AFF3: variants seen among roughly 807,000 people sequenced by gnomAD.
AFF3 encodes the protein AF4/FMR2 family member 3.
A neutral mutation model predicts 129.7 loss-of-function variants in AFF3; 32 were observed. The ratio of observed to expected loss-of-function variants is 0.25; its 90% CI spans 0.19 to 0.33. The LOEUF (loss-of-function observed/expected upper bound fraction) is 0.33, where lower values mean the gene tolerates loss of function less well. AFF3 is among the 10% of genes least tolerant of loss of function. AFF3 has a pLI of 1.00. For synonymous variants in AFF3, 644 were observed against 635.4 expected (o/e 1.01, Z -0.20); for missense variants, 1,373 against 1,592.0 (o/e 0.86, Z 2.34).
chr2:99,566,401 G>A (rs1675971037), intron 19 of AFF3, among the ~76,000 whole-genome samples: 1 of 152,010 alleles, frequency 6.6e-6, no homozygotes, highest in Non-Finnish European at 1.5e-5. Context: ...AATGATTTTT[G>A]GTTGGGCCTG....
intron 11 of AFF3, among the ~76,000 whole-genome samples, chr2:99,684,001 C>T (rs981879180): frequency 2.9e-4 from 44 of 152,112 alleles, no homozygotes; most frequent in Non-Finnish European, 7.3e-5. Flanking sequence ...CTACAAGTTC[C>T]CCAGTGTCCT....
At chr2:99,710,445 T>A (rs548883328) in intron 11 of AFF3, among the ~76,000 whole-genome samples, 1 of 152,074 alleles carries the variant, frequency 6.6e-6, no homozygotes, top group South Asian at 2.1e-4. Flanking sequence ...TTAGTAGAGA[T>A]GGGGTTTCAC....
chr2:99,962,054 G>C (rs1677276744), intron 7 of AFF3, among the ~76,000 whole-genome samples: 1 of 152,056 alleles, frequency 6.6e-6, no homozygotes, highest in African/African-American at 2.4e-5. Context: ...GAGGCAGCTG[G>C]GCACACCAGA....
intron 11 of AFF3, among the ~76,000 whole-genome samples, chr2:99,685,854 C>T (rs140763867): frequency 6.6e-6 from 1 of 152,218 alleles, no homozygotes; most frequent in Non-Finnish European, 1.5e-5. Context: ...TAAAGTGGGT[C>T]TATTCACTGA....
chr2:99,687,279 ATTCAGAAATAG>A (rs1190281101), intron 11 of AFF3, among the ~76,000 whole-genome samples: 1 of 152,258 alleles, frequency 6.6e-6, no homozygotes, highest in East Asian at 1.9e-4. Context: ...ATAGCTAAAT[ATTCAGAAATAG>A]GCACTTCACA....
At chr2:100,125,781 GGA>G (rs1449276305) in intron 2 of AFF3, among the ~76,000 whole-genome samples, 1 of 150,348 alleles carries the variant, frequency 6.7e-6, no homozygotes, top group Non-Finnish European at 1.5e-5. Flanking sequence ...GAAATAGTGT[GGA>G]GACTCCAAGT....
chr2:100,064,013 C>T (rs772714063), intron 4 of AFF3, among the ~76,000 whole-genome samples: 3 of 151,598 alleles, frequency 2.0e-5, no homozygotes, highest in Admixed American at 6.6e-5. Flanking sequence ...CACTTGAACC[C>T]GGGAGGCGGA....
intron 4 of AFF3, among the ~76,000 whole-genome samples, chr2:100,082,375 G>C (rs1440671560): frequency 1.3e-5 from 2 of 151,616 alleles, no homozygotes; most frequent in Non-Finnish European, 2.9e-5. Flanking sequence ...AATTCCCAAA[G>C]TCTAACTCTG....
intron 4 of AFF3, among the ~76,000 whole-genome samples, chr2:100,036,032 C>T (rs1684863654): frequency 6.8e-6 from 1 of 146,846 alleles, no homozygotes; most frequent in African/African-American, 2.5e-5. Context: ...ATCCTTTAAT[C>T]TACCTCTTGG....
intron 4 of AFF3, among the ~76,000 whole-genome samples, chr2:100,075,684 T>C (rs1688530368): frequency 1.3e-5 from 2 of 152,218 alleles, no homozygotes. Flanking sequence ...TCAAATTCTG[T>C]ATTTTATGTT....
At chr2:99,911,143 A>G (rs1190477471) in intron 7 of AFF3, among the ~76,000 whole-genome samples, 1 of 152,228 alleles carries the variant, frequency 6.6e-6, no homozygotes, top group Admixed American at 6.5e-5. Flanking sequence ...ACCTTAGTCC[A>G]TCTATTCTGT....
chr2:100,083,174 T>C (rs550614526), intron 4 of AFF3, among the ~76,000 whole-genome samples: 311 of 152,310 alleles, frequency 2.0e-3, no homozygotes, highest in African/African-American at 7.0e-3. Flanking sequence ...ATATACAACA[T>C]TGCCCCCTTA....
intron 7 of AFF3, among the ~76,000 whole-genome samples, chr2:99,936,050 T>C (rs28425639): frequency 3.3e-5 from 5 of 152,114 alleles, no homozygotes; most frequent in Admixed American, 1.3e-4. Flanking sequence ...CATAAATCTT[T>C]AAAAAAATCT....
rs555484972 is a variant in AFF3, at chr2:99,560,401, T to C, written c.3155A>G (p.Asn1052Ser). 30 of 1,614,104 alleles carry C rather than the reference T, an allele frequency of 1.9e-5. No homozygotes were observed. Among genetic ancestry groups the C allele is most frequent in the Middle Eastern group, 3.3e-4 (2 of 6,056 alleles). The change falls in exon 21 of 25, where the codon AAT (asparagine) becomes AGT (serine). Residue 1052 changes from asparagine (N) to serine (S), a missense_variant. Physicochemically the swap from Asn to Ser is conservative, Grantham distance 46. Coordinates refer to ENST00000672756, the MANE Select transcript of AFF3 (RefSeq NM_001386135.1). ...AMRLKTHSGP[N>S]ATPEDKQLAA... ...CAGTTGTTTGTCTTCTGGTGTGGCA[T>C]TGGGGCCTGAGTGGGTTTTTAGTCT...
intron 8 of AFF3, among the ~76,000 whole-genome samples, chr2:99,812,022 A>G (rs906711300): frequency 6.6e-6 from 1 of 152,232 alleles, no homozygotes; most frequent in Non-Finnish European, 1.5e-5. Context: ...TAGAGAATCC[A>G]AGGCCAGAAA....
At chr2:99,889,926 T>C (rs536598458) in intron 7 of AFF3, among the ~76,000 whole-genome samples, 3 of 152,212 alleles carry the variant, frequency 2.0e-5, no homozygotes, top group African/African-American at 4.8e-5. Flanking sequence ...TCCCAAAGTG[T>C]TGGGATTACA....
intron 7 of AFF3, among the ~76,000 whole-genome samples, chr2:99,896,068 C>CAAAA (rs58471464): frequency 3.2e-5 from 2 of 63,078 alleles, no homozygotes; most frequent in African/African-American, 6.1e-5. Context: ...GACTCCTTCT[C>CAAAA]AAAAAAAAAA....
At chr2:100,099,862 T>C (rs1466283431) in intron 4 of AFF3, among the ~76,000 whole-genome samples, 4 of 151,988 alleles carry the variant, frequency 2.6e-5, no homozygotes. Context: ...TAATAAGCGT[T>C]ATTTCATGAT....
chr2:100,058,564 GTC>G (rs2105207543), intron 4 of AFF3, among the ~76,000 whole-genome samples: 1 of 152,298 alleles, frequency 6.6e-6, no homozygotes, highest in South Asian at 2.1e-4. Flanking sequence ...AGTATCCGAA[GTC>G]TTTCTTTTTT....
Sources: gnomAD v4.1 joint callset for allele counts (sites outside exome capture counted in the v4.1 genomes callset) on GRCh38, gnomAD v4.1.1 for gene constraint, MANE v1.5 for transcripts, NCBI Gene and HGNC (gene_info 2026-07-23, HGNC 2026-07-21) for gene names.